Variants in DOCK9 observed in about 807,000 individuals in gnomAD.
DOCK9 encodes dedicator of cytokinesis protein 9.
DOCK9 carries 89 observed loss-of-function variants against 263.3 expected under a neutral mutation model. That is an observed-to-expected ratio of 0.34 (90% confidence interval 0.28 to 0.40). The LOEUF (loss-of-function observed/expected upper bound fraction) is 0.40. Ranked by LOEUF, DOCK9 falls within the 10% of genes least tolerant of loss-of-function variation. The pLI is 1.00. For missense variants in DOCK9, 2,140 were observed against 2,603.4 expected (o/e 0.82, Z 3.87); for synonymous variants, 976 against 973.1 (o/e 1.00, Z -0.06).
intron 1 of DOCK9, among the ~76,000 whole-genome samples, chr13:98,971,470 G>A (rs2059724465): frequency 7.7e-6 from 1 of 130,418 alleles, no homozygotes; most frequent in Non-Finnish European, 1.6e-5. Context: ...CACTTTGGGA[G>A]GCCAAGGTGG....
Position 98,886,539 on chromosome 13 carries a change from T to C in DOCK9, c.2129A>G (p.Tyr710Cys). ...VLHHHQNPEF[Y>C]DEIKIELPTQ... is the part of the protein sequence containing the mutation. ...CTTAAAAACATCACTTACCTCATCATAAAATTCTGGGTTTTGGTGATGGTG... is the reference window on the plus strand; with the variant it reads ...CTTAAAAACATCACTTACCTCATCACAAAATTCTGGGTTTTGGTGATGGTG... Residue 710 changes from tyrosine to cysteine, a missense_variant, in exon 19 of 53, where the codon TAT (tyrosine) becomes TGT (cysteine). Physicochemically the swap from Tyr to Cys is radical, Grantham distance 194. Coordinates refer to ENST00000682017, the MANE Select transcript of DOCK9 (RefSeq NM_001366683.2). 6.2e-7 allele frequency: 1 copy of C among 1,613,770 alleles called. No individual in the cohort carries two copies. The highest frequency in any genetic ancestry group is 2.2e-5 in the East Asian group (1 of 44,882).
At chr13:98,911,713 G>A (rs1212672569) in intron 9 of DOCK9, among the ~76,000 whole-genome samples, 1 of 151,208 alleles carries the variant, frequency 6.6e-6, no homozygotes, top group Non-Finnish European at 1.5e-5. Context: ...TCGCCAACAT[G>A]GTATAAAACC....
chr13:98,843,177 GAAATA>G (rs1213958696), intron 38 of DOCK9, among the ~76,000 whole-genome samples: 2 of 152,098 alleles, frequency 1.3e-5, no homozygotes, highest in African/African-American at 4.8e-5. Flanking sequence ...ATTCTCTTCT[GAAATA>G]AAATCATTTT....
intron 1 of DOCK9, among the ~76,000 whole-genome samples, chr13:98,997,197 T>G (rs145907427): frequency 2.3e-3 from 355 of 152,340 alleles, no homozygotes; most frequent in African/African-American, 7.9e-3. Flanking sequence ...GTCTGCTGCC[T>G]GCAGGCCCAC....
chr13:98,964,078 C>T (rs2058954990), intron 1 of DOCK9, among the ~76,000 whole-genome samples: 1 of 152,212 alleles, frequency 6.6e-6, no homozygotes, highest in Admixed American at 6.5e-5. Context: ...AGCTGGTTCA[C>T]ATGCACTGTG....
chr13:98,976,153 T>C (rs1013452578), intron 1 of DOCK9, among the ~76,000 whole-genome samples: 8 of 152,174 alleles, frequency 5.3e-5, no homozygotes, highest in Non-Finnish European at 1.2e-4. Flanking sequence ...GCTTCCTCAC[T>C]CCCTCACCCC....
intron 1 of DOCK9, among the ~76,000 whole-genome samples, chr13:99,037,381 T>A (rs1265135621): frequency 6.6e-6 from 1 of 152,174 alleles, no homozygotes; most frequent in Non-Finnish European, 1.5e-5. Flanking sequence ...AAATTATTAC[T>A]AATCAGGGAT....
intron 2 of DOCK9, among the ~76,000 whole-genome samples, chr13:98,951,661 A>G (rs1009030635): frequency 2.6e-5 from 4 of 152,208 alleles, no homozygotes; most frequent in Non-Finnish European, 5.9e-5. Flanking sequence ...GTTTCTGTGG[A>G]CTTAAATAGC....
intron 1 of DOCK9, among the ~76,000 whole-genome samples, chr13:99,021,830 G>A (rs191365628): frequency 4.1e-4 from 62 of 152,118 alleles, no homozygotes; most frequent in Non-Finnish European, 7.4e-4. Context: ...GGGACAAGGG[G>A]AGTGAGAGCA....
chr13:98,990,899 C>T (rs1361261748), intron 1 of DOCK9, among the ~76,000 whole-genome samples: 3 of 152,190 alleles, frequency 2.0e-5, no homozygotes, highest in Non-Finnish European at 4.4e-5. Context: ...CCTGTATTTA[C>T]TCATTAATCC....
Position 98,881,883 on chromosome 13 carries a change from C to T in DOCK9, c.2675+9G>A. ...GAAGTGAGGAAGAGCATCCATCCACCTCCCTTACCGAGTCACGTTAACCGC... is the reference window on the plus strand; with the variant it reads ...GAAGTGAGGAAGAGCATCCATCCACTTCCCTTACCGAGTCACGTTAACCGC... On this transcript the variant is annotated intron_variant, in intron 24 of 52. Transcript: ENST00000682017. 1 of 1,558,486 alleles carries T rather than the reference C, an allele frequency of 6.4e-7. No individual in the cohort carries two copies. The highest frequency in any genetic ancestry group is 8.7e-7 in the Non-Finnish European group (1 of 1,149,522).
In DOCK9 at chr13:98,901,878, G is replaced by C; in HGVS notation, c.1403C>G (p.Pro468Arg). ...GGCCACAAGAAATATATCTGGATGAGGACAAGTGACTGAAAATATTCCCTA... is the reference window on the plus strand; with the variant it reads ...GGCCACAAGAAATATATCTGGATGACGACAAGTGACTGAAAATATTCCCTA... ...PKQGIFSVTC[P>R]HPDIFLVARI... is the part of the protein sequence containing the mutation. Residue 468 changes from proline (P) to arginine (R), a missense_variant, in exon 13 of 53, where the codon CCT becomes CGT. Physicochemically the swap from Pro to Arg is moderately radical, Grantham distance 103. Coordinates refer to ENST00000682017, the MANE Select transcript of DOCK9 (RefSeq NM_001366683.2). 1 of 1,612,572 alleles carries C rather than the reference G, an allele frequency of 6.2e-7. No individual in the cohort carries two copies. The highest frequency in any genetic ancestry group is 8.5e-7 in the Non-Finnish European group (1 of 1,179,338).
At chr13:99,038,796 G>A (rs1306937475) in intron 1 of DOCK9, among the ~76,000 whole-genome samples, 2 of 152,202 alleles carry the variant, frequency 1.3e-5, no homozygotes, top group African/African-American at 4.8e-5. Flanking sequence ...CGAAAGGGAA[G>A]GATAAGTAGT....
intron 32 of DOCK9, among the ~76,000 whole-genome samples, chr13:98,861,356 G>T (rs984329262): frequency 6.6e-6 from 1 of 152,180 alleles, no homozygotes; most frequent in Admixed American, 6.5e-5. Flanking sequence ...AAACATACAT[G>T]AGACTCTGCA....
At chr13:98,858,575 G>C (rs765710157) in intron 33 of DOCK9, 3 of 152,216 alleles carry the variant, frequency 2.0e-5, no homozygotes, top group Non-Finnish European at 2.9e-5. Context: ...CCAGTTCAAA[G>C]ATGAGGCTTC....
chr13:98,902,788 C>A (rs2048487973), intron 11 of DOCK9, among the ~76,000 whole-genome samples, 184 bp downstream of exon 11: 2 of 152,182 alleles, frequency 1.3e-5, no homozygotes, highest in East Asian at 3.8e-4. Context: ...CACAAACCTG[C>A]CACCCTCATC....
At chr13:98,935,076 G>A (rs2054601052) in intron 2 of DOCK9, among the ~76,000 whole-genome samples, 1 of 152,152 alleles carries the variant, frequency 6.6e-6, no homozygotes, top group Non-Finnish European at 1.5e-5. Context: ...AAAAAAGTTA[G>A]GGAGTCTAAA....
At chr13:98,966,190 G>A (rs1424175098) in intron 1 of DOCK9, among the ~76,000 whole-genome samples, 4 of 152,204 alleles carry the variant, frequency 2.6e-5, no homozygotes, top group Admixed American at 6.5e-5. Context: ...CCTGTGCCCG[G>A]GGAGTCACAT....
At chr13:98,878,497 AT>A (rs551459818) in intron 27 of DOCK9, among the ~76,000 whole-genome samples, 2 of 151,218 alleles carry the variant, frequency 1.3e-5, no homozygotes, top group East Asian at 1.9e-4. Flanking sequence ...GTAAGACAAC[AT>A]TTTTTTTTAC....
Sources: gnomAD v4.1 joint callset for allele counts (sites outside exome capture counted in the v4.1 genomes callset) on GRCh38, gnomAD v4.1.1 for gene constraint, MANE v1.5 for transcripts, NCBI Gene and HGNC (gene_info 2026-07-23, HGNC 2026-07-21) for gene names.